Variants in PHTF2 observed in about 807,000 individuals in gnomAD.
PHTF2 encodes putative homeodomain transcription factor 2.
PHTF2 carries 60 observed loss-of-function variants against 101.2 expected under a neutral mutation model. The ratio of observed to expected loss-of-function variants is 0.59; its 90% CI spans 0.48 to 0.73. The LOEUF is 0.73. Ranked by LOEUF, PHTF2 falls within the 30% of genes least tolerant of loss-of-function variation. The probability of loss-of-function intolerance (pLI) is 0.00; values close to 1 mark genes in which losing one functional copy is unlikely to be tolerated. For synonymous variants in PHTF2, 311 were observed against 307.3 expected (o/e 1.01, Z -0.13); for missense variants, 747 against 908.7 (o/e 0.82, Z 2.29).
intron 5 of PHTF2, chr7:77,895,940 G>C (rs548445179): frequency 1.0e-3 from 154 of 152,178 alleles, no homozygotes; most frequent in African/African-American, 3.5e-3. Flanking sequence ...ATCAGATGAA[G>C]TCCTTGTTTC....
At position 77,893,941 on chromosome 7, in the gene PHTF2, T is replaced by C. The variant is rs770912123; in HGVS notation, c.205-41T>C. ...TCACTTGTCACCTTATACTTCTAGT[T>C]TGCTTTTTCTCCCTTTTGATGCTGT... is the stretch of plus-strand genomic sequence containing the variant. On this transcript the variant is annotated intron_variant, in intron 4 of 19. Transcript: ENST00000416283. The C allele has an allele frequency of 2.0e-6, 3 of 1,488,014 alleles. No individual in the cohort carries two copies. The East Asian group carries it at 6.8e-5, about 34-fold the overall frequency. The allele number at this position is 1,488,014 out of a possible 1,614,324, so 92.2% of individuals were successfully genotyped here.
chr7:77,840,253 T>G, exon 2 of PHTF2: 2 of 1,606,972 alleles, frequency 1.2e-6, no homozygotes, highest in Non-Finnish European at 1.7e-6. Flanking sequence ...TTCAGTGGAA[T>G]AAATGGCGTC....
intron 16 of PHTF2, among the ~76,000 whole-genome samples, chr7:77,944,709 T>G (rs1464109475): frequency 6.6e-6 from 1 of 152,208 alleles, no homozygotes; most frequent in Non-Finnish European, 1.5e-5. Flanking sequence ...GATCTCCAGC[T>G]ATTTCAGTTT....
intron 3 of PHTF2, among the ~76,000 whole-genome samples, chr7:77,867,198 G>A (rs555370007): frequency 6.6e-6 from 1 of 152,298 alleles, no homozygotes; most frequent in South Asian, 2.1e-4. Flanking sequence ...CAGCTTGCCT[G>A]CTGGCAAGAT....
intron 16 of PHTF2, among the ~76,000 whole-genome samples, chr7:77,947,547 A>AG (rs1487848019): frequency 1.3e-5 from 2 of 152,110 alleles, no homozygotes; most frequent in Non-Finnish European, 2.9e-5. Flanking sequence ...TGGGCGACAG[A>AG]GTGAGACTCA....
chr7:77,848,734 C>T (rs1051884137), intron 2 of PHTF2, among the ~76,000 whole-genome samples: 1 of 152,108 alleles, frequency 6.6e-6, no homozygotes, highest in Non-Finnish European at 1.5e-5. Context: ...TCCATTTTTA[C>T]TTTGGTTGCC....
intron 3 of PHTF2, among the ~76,000 whole-genome samples, chr7:77,881,897 C>T (rs892757628): frequency 6.6e-6 from 1 of 152,290 alleles, no homozygotes. Context: ...TGAATTATGA[C>T]TCTTTGAATA....
intron 1 of PHTF2, among the ~76,000 whole-genome samples, chr7:77,816,465 A>T (rs895464168): frequency 4.6e-5 from 7 of 152,194 alleles, no homozygotes; most frequent in African/African-American, 1.7e-4. Context: ...ACATTATTTT[A>T]AAAAACTACT....
chr7:77,809,741 T>C (rs1275740049), intron 1 of PHTF2, among the ~76,000 whole-genome samples: 2 of 152,236 alleles, frequency 1.3e-5, no homozygotes, highest in Non-Finnish European at 2.9e-5. Context: ...AACTTAACCT[T>C]GGACATAGTA....
chr7:77,900,180 T>A (rs1252340953), intron 5 of PHTF2, among the ~76,000 whole-genome samples: 1 of 152,210 alleles, frequency 6.6e-6, no homozygotes, highest in Non-Finnish European at 1.5e-5. Flanking sequence ...GGGGTTGACA[T>A]GTGAACATAA....
At chr7:77,949,864 T>A in intron 17 of PHTF2, 31 bp downstream of exon 16, 1 of 1,128,410 alleles carries the variant, frequency 8.9e-7, no homozygotes, top group Non-Finnish European at 1.3e-6. Context: ...TGCTACAAAT[T>A]AATGTCTATA....
intron 1 of PHTF2, among the ~76,000 whole-genome samples, chr7:77,811,465 T>C (rs955041682): frequency 2.0e-5 from 3 of 152,254 alleles, no homozygotes; most frequent in African/African-American, 7.2e-5. Context: ...TTAACATCTA[T>C]TGATGATTCT....
chr7:77,860,642 C>T (rs1173317931), intron 3 of PHTF2, among the ~76,000 whole-genome samples: 4 of 152,308 alleles, frequency 2.6e-5, no homozygotes, highest in African/African-American at 7.2e-5. Context: ...AGCACTTCCT[C>T]TCCCTTCTGT....
intron 3 of PHTF2, among the ~76,000 whole-genome samples, chr7:77,867,670 A>G (rs1216190000): frequency 1.3e-5 from 2 of 152,204 alleles, no homozygotes; most frequent in Admixed American, 6.5e-5. Flanking sequence ...AGGTGGGGGA[A>G]AGGGCGCAGC....
intron 1 of PHTF2, among the ~76,000 whole-genome samples, chr7:77,824,421 CTGT>C (rs1453796733): frequency 6.6e-6 from 1 of 152,050 alleles, no homozygotes; most frequent in Admixed American, 6.5e-5. Flanking sequence ...AAAAGTGCAG[CTGT>C]TGTTAGTTTA....
At chr7:77,919,248 T>C (rs917068180) in intron 9 of PHTF2, among the ~76,000 whole-genome samples, 3 of 152,160 alleles carry the variant, frequency 2.0e-5, no homozygotes, top group South Asian at 2.1e-4. Flanking sequence ...CAGATTCCAA[T>C]AGAACTGAGT....
intron 1 of PHTF2, among the ~76,000 whole-genome samples, chr7:77,823,237 T>C (rs1327218091): frequency 6.6e-6 from 1 of 150,736 alleles, no homozygotes; most frequent in Non-Finnish European, 1.5e-5. Context: ...CTCTTTTTTT[T>C]TGGAGACGGA....
At chr7:77,917,835 T>C (rs1803076837) in intron 9 of PHTF2, among the ~76,000 whole-genome samples, 1 of 152,218 alleles carries the variant, frequency 6.6e-6, no homozygotes, top group Admixed American at 6.5e-5. Context: ...AATACTTACA[T>C]TTAGCATTTT....
intron 12 of PHTF2, among the ~76,000 whole-genome samples, chr7:77,933,959 A>T (rs1231830096): frequency 6.6e-6 from 1 of 152,188 alleles, no homozygotes; most frequent in East Asian, 1.9e-4. Flanking sequence ...TGTATATCTA[A>T]TTATGGTATC....
Sources: allele counts gnomAD v4.1 joint callset (sites outside exome capture counted in the v4.1 genomes callset), GRCh38; gene constraint gnomAD v4.1.1; transcripts MANE v1.5; gene names NCBI Gene and HGNC (gene_info 2026-07-23, HGNC 2026-07-21).